Variants in ADAMTS20 observed in about 807,000 individuals in gnomAD.
The protein encoded by ADAMTS20 is A disintegrin and metalloproteinase with thrombospondin motifs 20.
In ADAMTS20, 225 loss-of-function variants were observed where a neutral mutation model predicts 260.1. The ratio of observed to expected loss-of-function variants is 0.87; its 90% CI spans 0.78 to 0.97. The LOEUF is 0.97. Among genes scored for constraint, ADAMTS20 ranks in the 50% least tolerant of loss-of-function variants. The pLI, the probability that ADAMTS20 is intolerant of heterozygous loss-of-function variation, is 0.00. For missense variants in ADAMTS20, 2,400 were observed against 2,337.7 expected (o/e 1.03, Z -0.55); for synonymous variants, 802 against 769.5 (o/e 1.04, Z -0.70).
intron 28 of ADAMTS20, among the ~76,000 whole-genome samples, chr12:43,406,323 A>G (rs56235235): frequency 6.6e-6 from 1 of 152,142 alleles, no homozygotes; most frequent in Admixed American, 6.5e-5. Context: ...ATCTCTTTTC[A>G]AAATTAAACT....
chr12:43,485,094 C>CAAAAAAAAAAAAAAAAAAAAAACAA (rs59409245), intron 7 of ADAMTS20, among the ~76,000 whole-genome samples: 1 of 118,750 alleles, frequency 8.4e-6, no homozygotes. Context: ...AGGACGTAGC[C>CAAAAAAAAAAAAAAAAAAAAAACAA]AAAAAAAAAA....
Position 43,377,475 on chromosome 12 carries a change from G to C in ADAMTS20, c.4885C>G (p.Leu1629Val). The C allele has an allele frequency of 6.2e-7, 1 of 1,613,732 alleles. No individual in the cohort carries two copies. The highest frequency in any genetic ancestry group is 1.1e-5 in the South Asian group (1 of 91,054). Residue 1629 changes from leucine to valine, a missense_variant, in exon 32 of 39, where the codon CTT (leucine) becomes GTT (valine). Coordinates refer to ENST00000389420, the MANE Select transcript of ADAMTS20 (RefSeq NM_025003.5). ...CATTCTTGATAAACTATAGGCCGAA[G>C]TCGATGGAGCTTATGTTTCTTAGTA... is the stretch of plus-strand genomic sequence containing the variant. ...PSTKKHKLHR[L>V]RPIVYQECPV... is the part of the protein sequence containing the mutation.
At chr12:43,464,535 T>C (rs1382224878) in intron 10 of ADAMTS20, 56 bp downstream of exon 10, 2 of 1,569,098 alleles carry the variant, frequency 1.3e-6, no homozygotes, top group Non-Finnish European at 1.7e-6. Context: ...TGAAATATAT[T>C]CTAAGATAAC....
At position 43,470,530 on chromosome 12, in the gene ADAMTS20, G is replaced by T. The variant is rs975967333; in HGVS notation, c.1118-1825C>A. Among the ~76,000 whole-genome samples the T allele has an allele frequency of 1.1e-4, 16 of 152,294 alleles. No homozygotes were observed. In the East Asian group the frequency reaches 3.1e-3, roughly 29 times the overall value. On this transcript the variant is annotated intron_variant, in intron 7 of 38. Coordinates refer to ENST00000389420, the MANE Select transcript of ADAMTS20 (RefSeq NM_025003.5). ...GAAACATGCCGCTGGTTGATGGTTT[G>T]TGTCTAGACTCATTCAAGCTAATTC...
chr12:43,465,484 T>C (rs999435846), intron 9 of ADAMTS20, among the ~76,000 whole-genome samples: 9 of 152,062 alleles, frequency 5.9e-5, no homozygotes, highest in Admixed American at 4.6e-4. Context: ...CAATGTCCGG[T>C]ATGCAGAAAG....
In ADAMTS20 at chr12:43,452,648, C is replaced by G. The variant is rs780153600; in HGVS notation, c.1808G>C (p.Arg603Pro). The G allele has an allele frequency of 6.2e-7, 1 of 1,611,430 alleles. No individual in the cohort carries two copies. The highest frequency in any genetic ancestry group is 8.5e-7 in the Non-Finnish European group (1 of 1,178,648). Residue 603 changes from arginine (R) to proline (P), a missense_variant, in exon 13 of 39, where the codon CGA becomes CCA. By Grantham distance (103) the Arg-to-Pro change is moderately radical. Transcript: ENST00000389420. ...NYCVGRRMKFRSCNTDSCPKG... is the reference protein window; with the variant it reads ...NYCVGRRMKFPSCNTDSCPKG... ...TGGACATGAATCAGTATTACATGAT[C>G]GAAATTTCATCCTGCGGCCCACACA...
chr12:43,439,323 T>C (rs978636138), intron 18 of ADAMTS20, among the ~76,000 whole-genome samples: 3 of 152,174 alleles, frequency 2.0e-5, no homozygotes, highest in Non-Finnish European at 4.4e-5. Flanking sequence ...GCAGGATATA[T>C]ATAAGTTAGA....
At chr12:43,381,780 C>CAA (rs765135656) in intron 31 of ADAMTS20, among the ~76,000 whole-genome samples, 729 of 33,656 alleles carry the variant, frequency 0.022, 26 homozygotes, top group African/African-American at 0.054. Context: ...GACTGCATCT[C>CAA]AAAAAAAAAA....
chr12:43,397,053 T>C (rs1458196840), intron 29 of ADAMTS20, among the ~76,000 whole-genome samples: 1 of 152,106 alleles, frequency 6.6e-6, no homozygotes, highest in African/African-American at 2.4e-5. Context: ...GAAAGCTACT[T>C]TGCCATTATC....
intron 21 of ADAMTS20, among the ~76,000 whole-genome samples, chr12:43,431,815 T>C (rs533337470): frequency 6.4e-4 from 98 of 152,302 alleles, no homozygotes; most frequent in African/African-American, 2.2e-3. Context: ...CAGTTAGTGT[T>C]ATTACTAGTC....
intron 37 of ADAMTS20, among the ~76,000 whole-genome samples, chr12:43,365,002 C>A (rs1244333430): frequency 1.3e-5 from 2 of 151,820 alleles, no homozygotes; most frequent in Non-Finnish European, 1.5e-5. Context: ...AGAGAAAATC[C>A]CCAAAAACAC....
chr12:43,448,118 T>G (rs1458317703), intron 14 of ADAMTS20, among the ~76,000 whole-genome samples: 1 of 152,096 alleles, frequency 6.6e-6, no homozygotes, highest in East Asian at 1.9e-4. Flanking sequence ...TTAATATTCT[T>G]TATAGAACTA....
At chr12:43,545,397 C>T (rs373592104) in intron 2 of ADAMTS20, among the ~76,000 whole-genome samples, 12 of 152,194 alleles carry the variant, frequency 7.9e-5, no homozygotes, top group Admixed American at 2.0e-4. Context: ...GCACAGTCCA[C>T]GAGAAGTCCT....
intron 4 of ADAMTS20, among the ~76,000 whole-genome samples, chr12:43,496,821 T>C (rs1206283420): frequency 6.6e-6 from 1 of 152,158 alleles, no homozygotes; most frequent in Non-Finnish European, 1.5e-5. Context: ...TCATGGAATC[T>C]TGAATAGGCT....
intron 8 of ADAMTS20, among the ~76,000 whole-genome samples, chr12:43,468,259 C>T (rs1942190923): frequency 6.6e-6 from 1 of 152,194 alleles, no homozygotes; most frequent in South Asian, 2.1e-4. Context: ...GAACCAGGAG[C>T]CCATGCAGGC....
chr12:43,524,697 C>T (rs895764038), intron 3 of ADAMTS20, among the ~76,000 whole-genome samples: 1 of 152,094 alleles, frequency 6.6e-6, no homozygotes, highest in African/African-American at 2.4e-5. Flanking sequence ...GAAAGATATA[C>T]TTAGGGAAAT....
rs867104154 is a variant in ADAMTS20, at chr12:43,500,039, T to C, written c.867+2113A>G. On this transcript the variant is annotated intron_variant, in intron 4 of 38. Transcript: ENST00000389420. ...CCAACTTTCTTTCCTTATTGCTTTTTTTTTTTTGAGAGAGAGTCTCAGTCT... is the reference window on the plus strand; with the variant it reads ...CCAACTTTCTTTCCTTATTGCTTTTCTTTTTTTGAGAGAGAGTCTCAGTCT... Among the ~76,000 whole-genome samples, 25 of 152,068 alleles carry C rather than the reference T, an allele frequency of 1.6e-4. No individual in the cohort carries two copies. The Middle Eastern group carries it at 0.01, about 62-fold the overall frequency.
intron 38 of ADAMTS20, among the ~76,000 whole-genome samples, chr12:43,354,712 T>C (rs1939708015): frequency 6.9e-6 from 1 of 144,002 alleles, no homozygotes; most frequent in Non-Finnish European, 1.5e-5. Flanking sequence ...AAGAAAGATA[T>C]TGTACAAATG....
intron 37 of ADAMTS20, among the ~76,000 whole-genome samples, chr12:43,359,662 G>GA (rs1381263446): frequency 2.0e-5 from 3 of 151,584 alleles, no homozygotes; most frequent in Non-Finnish European, 2.9e-5. Context: ...TAGATCAAAG[G>GA]AAAAAAAAGA....
Sources: gnomAD v4.1 joint callset for allele counts (sites outside exome capture counted in the v4.1 genomes callset) on GRCh38, gnomAD v4.1.1 for gene constraint, MANE v1.5 for transcripts, NCBI Gene and HGNC (gene_info 2026-07-23, HGNC 2026-07-21) for gene names.